Variants in IGFL4 observed in about 807,000 individuals in gnomAD.
IGFL4 encodes insulin growth factor-like family member 4.
Under a neutral mutation model 15.4 loss-of-function variants are expected in IGFL4, and 12 were observed. The ratio of observed to expected loss-of-function variants is 0.78; its 90% CI spans 0.50 to 1.26. IGFL4 has a LOEUF of 1.26. Ranked by LOEUF, IGFL4 falls within the 50% of genes most tolerant of loss-of-function variation. IGFL4 has a pLI of 0.00. For synonymous variants in IGFL4, 54 were observed against 55.9 expected, an observed-to-expected ratio of 0.97 and a Z score of 0.16; for missense variants, 126 against 147.8, an observed-to-expected ratio of 0.85 and a Z score of 0.76.
At chr19:46,076,065 T>C (rs1969592617) in intron 1 of IGFL4, among the ~76,000 whole-genome samples, 1 of 152,212 alleles carries the variant, frequency 6.6e-6, no homozygotes, top group Admixed American at 6.5e-5. Context: ...TGGTGAGGGC[T>C]GCTCTCTGCT....
rs372612380 is a variant in IGFL4 at position 46,069,344 on chromosome 19, A to G, written c.-432+7676T>C. Among the ~76,000 whole-genome samples the G allele has an allele frequency of 2.0e-5, 3 of 152,302 alleles. No homozygotes were observed. The South Asian group carries it at 6.2e-4, about 32-fold the overall frequency. On this transcript the variant is annotated intron_variant, in intron 1 of 5. Coordinates refer to the IGFL4 transcript ENST00000601672. ...GACTTTTCTCACTCAATTTTCAAAT[A>G]TCACCTAAAATAATAATACAGATAA...
chr19:46,067,035 A>T (rs948231738), intron 1 of IGFL4, among the ~76,000 whole-genome samples: 1 of 152,130 alleles, frequency 6.6e-6, no homozygotes, highest in Non-Finnish European at 1.5e-5. Context: ...GAACTCTGCA[A>T]TCTTGCTGTG....
chr19:46,072,758 GA>G (rs1055543611), intron 1 of IGFL4, among the ~76,000 whole-genome samples: 7 of 152,322 alleles, frequency 4.6e-5, no homozygotes, highest in Non-Finnish European at 7.3e-5. Context: ...GGCAGGGTGT[GA>G]AATATAGTGG....
chr19:46,045,274 C>G (rs531157717), upstream of IGFL4, among the ~76,000 whole-genome samples: 11 of 152,140 alleles, frequency 7.2e-5, no homozygotes, highest in South Asian at 2.3e-3. Context: ...GAAACCCCCT[C>G]TCTACTAAAA....
upstream of IGFL4, among the ~76,000 whole-genome samples, chr19:46,041,879 C>T (rs1445245715): frequency 6.8e-6 from 1 of 147,148 alleles, no homozygotes; most frequent in African/African-American, 2.6e-5. Context: ...CTCTCTGTCT[C>T]CCAGGCTGGA....
At chr19:46,077,129 G>A (rs1376415193), upstream of IGFL4, 2 of 152,278 alleles carry the variant, frequency 1.3e-5, no homozygotes, top group African/African-American at 2.4e-5. The surrounding 1 kb of genome is among the most constrained non-coding windows in gnomAD (Gnocchi z 5.4). Flanking sequence ...TGAGCTTGAC[G>A]GGCGTGGTGC....
intron 1 of IGFL4, among the ~76,000 whole-genome samples, chr19:46,065,084 G>A (rs896377188): frequency 2.6e-5 from 4 of 152,134 alleles, no homozygotes. Flanking sequence ...CCATTTGTAT[G>A]TCTTCTTTTG....
chr19:46,046,224 C>T (rs553583142), intron 2 of IGFL4, among the ~76,000 whole-genome samples: 20 of 152,284 alleles, frequency 1.3e-4, no homozygotes, highest in Admixed American at 3.3e-4. Flanking sequence ...AATTCGTCAC[C>T]ACCAAGCCTG....
At chr19:46,043,219 G>A (rs1035477609), upstream of IGFL4, among the ~76,000 whole-genome samples, 3 of 152,090 alleles carry the variant, frequency 2.0e-5, no homozygotes, top group Non-Finnish European at 4.4e-5. Flanking sequence ...TGAATACTTA[G>A]GTATACTGTA....
At chr19:46,072,545 T>G (rs11881540) in intron 1 of IGFL4, among the ~76,000 whole-genome samples, 10,283 of 152,286 alleles carry the variant, frequency 0.068, 571 homozygotes, top group African/African-American at 0.14. Context: ...GCCATTGAAA[T>G]ATGTTTAATG....
At chr19:46,046,864 A>G (rs186493717) in intron 2 of IGFL4, among the ~76,000 whole-genome samples, 2 of 152,322 alleles carry the variant, frequency 1.3e-5, no homozygotes, top group East Asian at 3.9e-4. Flanking sequence ...AAATTAACAA[A>G]GATATTCAGG....
upstream of IGFL4, chr19:46,041,091 GAAGAGTTAGGCAAA>G (rs1969238815): frequency 6.4e-6 from 5 of 784,824 alleles, no homozygotes; most frequent in Non-Finnish European, 1.0e-5. Flanking sequence ...GGTTTCTTGG[GAAGAGTTAGGCAAA>G]AAGAGCTGCA....
In IGFL4 at chr19:46,039,814, C is replaced by T. The variant is rs1969217963; in HGVS notation, c.*78G>A. 1 of 1,294,220 alleles carries T rather than the reference C, an allele frequency of 7.7e-7. No homozygotes were observed. Among genetic ancestry groups the T allele is most frequent in the South Asian group, 1.2e-5 (1 of 84,646 alleles). The allele number at this position is 1,294,220 out of a possible 1,614,324, so 80.2% of individuals were successfully genotyped here. A position where few individuals can be genotyped will look rare whatever the true frequency, so the allele number is the denominator to read the frequency against. Reference sequence around the variant, plus strand: ...GGGACAGAGTGAAACTCTGTCACAACAACAACAAAATCAATGCAGTATAAT... The same window carrying T: ...GGGACAGAGTGAAACTCTGTCACAATAACAACAAAATCAATGCAGTATAAT... On this transcript the variant is annotated 3_prime_UTR_variant, in exon 4 of 4. Coordinates refer to ENST00000377697, the MANE Select transcript of IGFL4 (RefSeq NM_001002923.3).
At chr19:46,062,487 G>C (rs1444280202) in intron 1 of IGFL4, among the ~76,000 whole-genome samples, 4 of 152,202 alleles carry the variant, frequency 2.6e-5, no homozygotes, top group Non-Finnish European at 5.9e-5. Flanking sequence ...AAGTGCTCAA[G>C]ATAGTTTTTA....
At chr19:46,048,146 A>G (rs1380791498) in intron 2 of IGFL4, among the ~76,000 whole-genome samples, 2 of 152,228 alleles carry the variant, frequency 1.3e-5, no homozygotes, top group Non-Finnish European at 2.9e-5. Flanking sequence ...TTCATCGTAT[A>G]AACAGAACTA....
chr19:46,055,202 A>T (rs1165089105), intron 2 of IGFL4, among the ~76,000 whole-genome samples: 1 of 152,210 alleles, frequency 6.6e-6, no homozygotes, highest in Non-Finnish European at 1.5e-5. Flanking sequence ...CTTCCTGGGA[A>T]TGGCATTTGA....
At chr19:46,076,526 G>A (rs946639058) in intron 1 of IGFL4, among the ~76,000 whole-genome samples, 8 of 152,116 alleles carry the variant, frequency 5.3e-5, no homozygotes, top group Non-Finnish European at 8.8e-5. Flanking sequence ...TCCAAGGACT[G>A]TGCAGTCCTT....
intron 2 of IGFL4, among the ~76,000 whole-genome samples, chr19:46,057,312 C>T (rs1969402223): frequency 6.6e-6 from 1 of 151,634 alleles, no homozygotes; most frequent in African/African-American, 2.4e-5. Flanking sequence ...AAAATATTAA[C>T]CACATTTTTC....
intron 1 of IGFL4, chr19:46,062,816 C>T (rs1204256888): frequency 1.3e-5 from 2 of 152,282 alleles, no homozygotes; most frequent in Admixed American, 6.5e-5. Context: ...GGAATCTTTT[C>T]CAGCAGTCCC....
Sources: allele counts gnomAD v4.1 joint callset (sites outside exome capture counted in the v4.1 genomes callset), GRCh38; gene constraint gnomAD v4.1.1; non-coding constraint Gnocchi (gnomAD v3.1); transcripts MANE v1.5; gene names NCBI Gene and HGNC (gene_info 2026-07-23, HGNC 2026-07-21).